Variants in DGKG observed in about 807,000 individuals in gnomAD.
DGKG encodes the protein DAG kinase gamma.
A neutral mutation model predicts 105.3 loss-of-function variants in DGKG; 78 were observed. That is an observed-to-expected ratio of 0.74 (90% CI 0.62 to 0.89). DGKG has a LOEUF of 0.89. DGKG is among the 40% of genes least tolerant of loss of function. The pLI is 0.00. For missense variants in DGKG, 958 were observed against 1,020.1 expected (o/e 0.94, Z 0.83); for synonymous variants, 346 against 367.1 (o/e 0.94, Z 0.66).
chr3:186,330,873 A>G (rs558386873), intron 1 of DGKG, among the ~76,000 whole-genome samples: 4 of 152,352 alleles, frequency 2.6e-5, no homozygotes, highest in African/African-American at 9.6e-5. Context: ...ACATAGACGA[A>G]TAACATAATT....
intron 2 of DGKG, among the ~76,000 whole-genome samples, chr3:186,310,832 G>A (rs549523855): frequency 2.0e-5 from 3 of 152,166 alleles, no homozygotes; most frequent in African/African-American, 4.8e-5. Flanking sequence ...TATGCTAGAC[G>A]CTGTCCTAGT....
intron 1 of DGKG, among the ~76,000 whole-genome samples, chr3:186,343,865 G>A (rs1461841712): frequency 6.6e-6 from 1 of 151,938 alleles, no homozygotes; most frequent in Non-Finnish European, 1.5e-5. Context: ...AGTATATGGT[G>A]AGCATTATTT....
At chr3:186,245,955 T>C (rs1241256300) in intron 19 of DGKG, among the ~76,000 whole-genome samples, 1 of 152,042 alleles carries the variant, frequency 6.6e-6, no homozygotes, top group African/African-American at 2.4e-5. Context: ...ATGAAGTTAA[T>C]ATTTAAAACA....
At chr3:186,186,122 TC>T (rs1471484086) in intron 22 of DGKG, among the ~76,000 whole-genome samples, 1 of 118,628 alleles carries the variant, frequency 8.4e-6, no homozygotes, top group Non-Finnish European at 1.8e-5. Flanking sequence ...AAAAAAGAGG[TC>T]AACAATTCCT....
intron 1 of DGKG, among the ~76,000 whole-genome samples, chr3:186,348,740 G>A (rs1305543275): frequency 3.3e-5 from 5 of 151,938 alleles, no homozygotes; most frequent in Non-Finnish European, 7.4e-5. Context: ...CATGAGCCAC[G>A]GCACCGGTTG....
At chr3:186,206,437 T>C (rs1718742152) in intron 21 of DGKG, among the ~76,000 whole-genome samples, 1 of 152,174 alleles carries the variant, frequency 6.6e-6, no homozygotes, top group Non-Finnish European at 1.5e-5. Flanking sequence ...TTCTTATTTT[T>C]AGCCAGTGAA....
chr3:186,355,339 ACC>A (rs1726883943), intron 1 of DGKG, among the ~76,000 whole-genome samples: 4 of 141,304 alleles, frequency 2.8e-5, no homozygotes, highest in Admixed American at 7.5e-5. Flanking sequence ...CACTATCACC[ACC>A]ACCAACAACA....
chr3:186,347,859 A>T (rs1726421714), intron 1 of DGKG, among the ~76,000 whole-genome samples: 1 of 152,216 alleles, frequency 6.6e-6, no homozygotes, highest in African/African-American at 2.4e-5. Context: ...CTGGGATTAC[A>T]GGCATGAGCC....
rs763168875 is a variant in DGKG, at chr3:186,267,758, A to T, written c.1136T>A (p.Leu379Ter). 6.2e-7 allele frequency: 1 copy of T among 1,614,022 alleles called. No homozygotes were observed. Among genetic ancestry groups the T allele is most frequent in the Non-Finnish European group, 8.5e-7 (1 of 1,179,916 alleles). Residue 379 changes from leucine (L) to a stop codon, truncating the protein, a stop_gained, in exon 13 of 25, where the codon TTA becomes TAA. Coordinates refer to ENST00000265022, the MANE Select transcript of DGKG (RefSeq NM_001346.3). LOFTEE classifies it high-confidence loss of function. Reference protein sequence around the residue: ...CRMTFHRKCELSTLCDGGELR... With the variant: ...CRMTFHRKCE ...TTCCCCACCGTCACACAACGTTGATAATTCACATTTGCGGTGAAACTGGGG... is the reference window on the plus strand; with the variant it reads ...TTCCCCACCGTCACACAACGTTGATTATTCACATTTGCGGTGAAACTGGGG...
At chr3:186,259,336 C>T (rs1258878126) in intron 16 of DGKG, among the ~76,000 whole-genome samples, 5 of 152,092 alleles carry the variant, frequency 3.3e-5, no homozygotes, top group East Asian at 3.9e-4. Context: ...GGGGCTGCTC[C>T]GTCACAAGGC....
At chr3:186,304,934 A>G (rs1724152359) in intron 3 of DGKG, among the ~76,000 whole-genome samples, 1 of 152,236 alleles carries the variant, frequency 6.6e-6, no homozygotes, top group Non-Finnish European at 1.5e-5. Flanking sequence ...CTGTGCTTCT[A>G]TATTTTTATG....
chr3:186,157,128 T>C (rs1182386528), intron 24 of DGKG, among the ~76,000 whole-genome samples: 3 of 152,040 alleles, frequency 2.0e-5, no homozygotes, highest in Non-Finnish European at 4.4e-5. Flanking sequence ...ATATTGGTTA[T>C]GGTTTAACAT....
chr3:186,155,857 T>C (rs1441062836), intron 24 of DGKG, among the ~76,000 whole-genome samples: 1 of 152,220 alleles, frequency 6.6e-6, no homozygotes, highest in African/African-American at 2.4e-5. Context: ...CAGTGAAACA[T>C]GGCATGCCTT....
chr3:186,273,847 G>T (rs777808757), intron 10 of DGKG, among the ~76,000 whole-genome samples: 10 of 152,206 alleles, frequency 6.6e-5, no homozygotes, highest in Admixed American at 2.0e-4. Context: ...GCAGCTCCCC[G>T]GTGTCTGGTG....
intron 1 of DGKG, among the ~76,000 whole-genome samples, chr3:186,350,983 T>C (rs1206559841): frequency 6.6e-6 from 1 of 152,230 alleles, no homozygotes; most frequent in Non-Finnish European, 1.5e-5. Context: ...TCTCTATATA[T>C]TCTGGACTTT....
chr3:186,298,790 G>A (rs1723723787), intron 3 of DGKG, among the ~76,000 whole-genome samples: 3 of 152,218 alleles, frequency 2.0e-5, no homozygotes, highest in African/African-American at 7.2e-5. Flanking sequence ...GAAAGACCTG[G>A]AAGAGAAAAG....
At chr3:186,304,991 G>A (rs575639772) in intron 3 of DGKG, among the ~76,000 whole-genome samples, 1 of 152,340 alleles carries the variant, frequency 6.6e-6, no homozygotes, top group African/African-American at 2.4e-5. Context: ...AGAAATGTTA[G>A]AGTCATTGAA....
At chr3:186,307,053 T>C in intron 2 of DGKG, 76 bp from the exon 3 acceptor site, 1 of 997,100 alleles carries the variant, frequency 1.0e-6, no homozygotes, top group East Asian at 2.4e-5. Context: ...TCTCCCTGTG[T>C]AACCATGTTT....
chr3:186,225,878 G>C (rs1328349759), intron 20 of DGKG, among the ~76,000 whole-genome samples: 1 of 152,200 alleles, frequency 6.6e-6, no homozygotes, highest in Non-Finnish European at 1.5e-5. Context: ...TGGTGTCTTT[G>C]GTTATGAGTC....
Sources: gnomAD v4.1 joint callset for allele counts (sites outside exome capture counted in the v4.1 genomes callset) on GRCh38, gnomAD v4.1.1 for gene constraint, MANE v1.5 for transcripts, NCBI Gene and HGNC (gene_info 2026-07-23, HGNC 2026-07-21) for gene names.